ROBO2: variants seen among roughly 807,000 people sequenced by gnomAD.
The protein encoded by ROBO2 is roundabout guidance receptor 2.
Under a neutral mutation model 160.8 loss-of-function variants are expected in ROBO2, and 53 were observed. That is an observed-to-expected ratio of 0.33 (90% CI 0.26 to 0.41). The LOEUF (loss-of-function observed/expected upper bound fraction) is 0.41, where lower values mean the gene tolerates loss of function less well. Among genes scored for constraint, ROBO2 ranks in the 10% least tolerant of loss-of-function variants. The probability of loss-of-function intolerance (pLI) is 1.00; values close to 1 mark genes in which losing one functional copy is unlikely to be tolerated. For synonymous variants in ROBO2, 664 were observed against 611.7 expected, an observed-to-expected ratio of 1.09 and a Z score of -1.26; for missense variants, 1,577 against 1,722.4, an observed-to-expected ratio of 0.92 and a Z score of 1.49.
chr3:77,444,992 A>G (rs1242030713), intron 2 of ROBO2, among the ~76,000 whole-genome samples: 1 of 152,306 alleles, frequency 6.6e-6, no homozygotes, highest in East Asian at 1.9e-4. Flanking sequence ...TGGTGTTCTC[A>G]TTCTTGAAAT....
intron 2 of ROBO2, among the ~76,000 whole-genome samples, chr3:76,315,088 T>C (rs1576373829): frequency 6.6e-6 from 1 of 152,198 alleles, no homozygotes; most frequent in South Asian, 2.1e-4. Flanking sequence ...AACACAAACA[T>C]TGGCTAGTCT....
At chr3:77,391,747 C>T (rs1009189056) in intron 2 of ROBO2, among the ~76,000 whole-genome samples, 2 of 151,994 alleles carry the variant, frequency 1.3e-5, no homozygotes, top group African/African-American at 2.4e-5. Context: ...TTAGTAGAGA[C>T]GAGGCCTCAT....
intron 15 of ROBO2, among the ~76,000 whole-genome samples, chr3:77,579,009 A>G (rs1222648687): frequency 6.6e-6 from 1 of 152,144 alleles, no homozygotes; most frequent in East Asian, 1.9e-4. Context: ...CACAGATACC[A>G]TATATCAATA....
intron 2 of ROBO2, among the ~76,000 whole-genome samples, chr3:76,878,558 C>A (rs1005727415): frequency 3.9e-5 from 6 of 152,284 alleles, no homozygotes; most frequent in Admixed American, 2.0e-4. Flanking sequence ...GCCACAATGT[C>A]ATACTGAATA....
At chr3:75,941,988 T>A (rs1948077221) in intron 2 of ROBO2, among the ~76,000 whole-genome samples, 1 of 152,182 alleles carries the variant, frequency 6.6e-6, no homozygotes, top group East Asian at 1.9e-4. Flanking sequence ...TGTCTTTGCC[T>A]CCATTCGGTT....
chr3:75,961,921 A>G (rs1277937403), intron 2 of ROBO2, among the ~76,000 whole-genome samples: 8 of 151,416 alleles, frequency 5.3e-5, no homozygotes, highest in Non-Finnish European at 1.2e-4. Context: ...ACATTAATCA[A>G]TTGATTAATA....
chr3:77,577,294 T>G (rs115688828), intron 14 of ROBO2, among the ~76,000 whole-genome samples, 196 bp from the exon 16 acceptor site: 2,216 of 152,202 alleles, frequency 0.015, 59 homozygotes, highest in African/African-American at 0.051. Context: ...CAAAAGCTGT[T>G]CCATTTGCTT....
chr3:76,400,570 A>C (rs1386162845), intron 2 of ROBO2, among the ~76,000 whole-genome samples: 1 of 151,632 alleles, frequency 6.6e-6, no homozygotes. Flanking sequence ...TTTTGCTTTA[A>C]AATATATGGT....
intron 1 of ROBO2, among the ~76,000 whole-genome samples, chr3:77,050,799 A>G (rs2065154536): frequency 6.6e-6 from 1 of 151,418 alleles, no homozygotes; most frequent in Non-Finnish European, 1.5e-5. Flanking sequence ...TCTTGAGCCC[A>G]TGAGTTTGAG....
intron 16 of ROBO2, among the ~76,000 whole-genome samples, chr3:77,581,800 T>C (rs927758169): frequency 3.3e-5 from 5 of 152,178 alleles, no homozygotes. Flanking sequence ...TTATCAGGTC[T>C]TTATTGATTT....
chr3:77,161,328 G>A (rs1283881960), intron 2 of ROBO2, among the ~76,000 whole-genome samples: 1 of 152,098 alleles, frequency 6.6e-6, no homozygotes, highest in Non-Finnish European at 1.5e-5. Flanking sequence ...AGCAATATGG[G>A]ACTATTCAAA....
intron 2 of ROBO2, among the ~76,000 whole-genome samples, chr3:76,664,483 C>T (rs888239787): frequency 7.9e-5 from 12 of 152,116 alleles, no homozygotes; most frequent in Admixed American, 2.0e-4. Flanking sequence ...TCTAAAGGGA[C>T]ATACATAGGA....
intron 2 of ROBO2, among the ~76,000 whole-genome samples, chr3:77,381,821 T>C (rs2073507857): frequency 6.6e-6 from 1 of 152,224 alleles, no homozygotes; most frequent in Non-Finnish European, 1.5e-5. Flanking sequence ...TGTTTTGCTT[T>C]AGGTCTTCCT....
At chr3:77,277,225 T>TG (rs1190019738) in intron 2 of ROBO2, among the ~76,000 whole-genome samples, 18 of 120,598 alleles carry the variant, frequency 1.5e-4, no homozygotes, top group African/African-American at 4.1e-4. Flanking sequence ...CTTTCTTTCT[T>TG]TCTTGTCTTT....
chr3:76,532,971 T>A (rs958281354), intron 2 of ROBO2, among the ~76,000 whole-genome samples: 47 of 152,278 alleles, frequency 3.1e-4, no homozygotes, highest in African/African-American at 1.1e-3. Flanking sequence ...AGAAAGAAAA[T>A]AATCCATCCT....
intron 17 of ROBO2, among the ~76,000 whole-genome samples, chr3:77,592,190 T>C (rs925436691): frequency 6.6e-6 from 1 of 152,164 alleles, no homozygotes; most frequent in Non-Finnish European, 1.5e-5. Context: ...AATGGAAATT[T>C]AGATTGTGTA....
At chr3:77,577,450 G>A (rs1583056301) in intron 14 of ROBO2, 40 bp from the exon 16 acceptor site, 5 of 1,612,758 alleles carry the variant, frequency 3.1e-6, no homozygotes, top group Non-Finnish European at 3.4e-6. Flanking sequence ...CGCACACCAA[G>A]GCTTATAGTT....
intron 2 of ROBO2, among the ~76,000 whole-genome samples, chr3:76,903,922 G>C (rs745881523): frequency 1.8e-4 from 27 of 149,384 alleles, no homozygotes; most frequent in Non-Finnish European, 3.4e-4. Flanking sequence ...AAAGGGACTT[G>C]TACTTGGGAA....
chr3:76,093,071 G>C (rs1353957911), intron 2 of ROBO2, among the ~76,000 whole-genome samples: 1 of 152,072 alleles, frequency 6.6e-6, no homozygotes. Context: ...CTTTTGAGAT[G>C]TAAATTTTGG....
Sources: allele counts gnomAD v4.1 joint callset (sites outside exome capture counted in the v4.1 genomes callset), GRCh38; gene constraint gnomAD v4.1.1; transcripts MANE v1.5; gene names NCBI Gene and HGNC (gene_info 2026-07-23, HGNC 2026-07-21).